IRF2: variants seen among roughly 807,000 people sequenced by gnomAD.
IRF2 encodes interferon regulatory factor 2.
In IRF2, 15 loss-of-function variants were observed where a neutral mutation model predicts 40.6. The observed-to-expected ratio is 0.37, with a 90% CI of 0.25 to 0.57. The LOEUF (loss-of-function observed/expected upper bound fraction) is 0.57. IRF2 is among the 20% of genes least tolerant of loss of function. The pLI, the probability that IRF2 is intolerant of heterozygous loss-of-function variation, is 0.77. For missense variants in IRF2, 317 were observed against 455.7 expected, an observed-to-expected ratio of 0.70 and a Z score of 2.77; for synonymous variants, 151 against 165.5, an observed-to-expected ratio of 0.91 and a Z score of 0.67.
At position 184,448,819 on chromosome 4, in the gene IRF2, A is replaced by T. The variant is rs1738609080; in HGVS notation, c.-6-19749T>A. On this transcript the variant is annotated intron_variant, in intron 1 of 8. Transcript: ENST00000393593. This position sits in a 1 kb window ranked among gnomAD's most constrained non-coding sequence, Gnocchi z 4.3. ...CAGAATAGTTTCATTTTCGATCATG[A>T]CAACAGTTCCCACTCCCACAGCTTT... 6.6e-6 allele frequency: 1 copy of T among 152,220 alleles called. No homozygotes were observed. Among genetic ancestry groups the T allele is most frequent in the African/African-American group, 2.4e-5 (1 of 41,450 alleles). The allele number at this position is 152,220 out of a possible 1,614,324, so 9.4% of individuals were successfully genotyped here.
At chr4:184,442,698 G>A (rs1320454772) in intron 1 of IRF2, among the ~76,000 whole-genome samples, 2 of 151,806 alleles carry the variant, frequency 1.3e-5, no homozygotes, top group Non-Finnish European at 2.9e-5. Context: ...CAAACACTTC[G>A]TTATGGGGCC....
At chr4:184,454,893 T>C (rs1218252619) in intron 1 of IRF2, among the ~76,000 whole-genome samples, 1 of 152,180 alleles carries the variant, frequency 6.6e-6, no homozygotes, top group African/African-American at 2.4e-5. Flanking sequence ...TGAGATTTCC[T>C]TGGTCTCCCC....
At chr4:184,409,028 CT>C (rs1736974637) in intron 5 of IRF2, among the ~76,000 whole-genome samples, 1 of 152,286 alleles carries the variant, frequency 6.6e-6, no homozygotes, top group African/African-American at 2.4e-5. Context: ...CCTCCACTCC[CT>C]TGTACTAAAC....
intron 2 of IRF2, among the ~76,000 whole-genome samples, chr4:184,426,378 G>A (rs565825983): frequency 1.1e-4 from 17 of 152,130 alleles, no homozygotes; most frequent in African/African-American, 3.6e-4. Flanking sequence ...GGAGTCCCTC[G>A]GCTGCGGCTG....
At chr4:184,457,208 C>A (rs1356130291) in intron 1 of IRF2, among the ~76,000 whole-genome samples, 1 of 152,230 alleles carries the variant, frequency 6.6e-6, no homozygotes, top group Non-Finnish European at 1.5e-5. Context: ...TTGACCTTGA[C>A]AGAGGGGAAT....
chr4:184,434,058 C>T (rs568444233), intron 1 of IRF2, among the ~76,000 whole-genome samples: 6 of 152,348 alleles, frequency 3.9e-5, no homozygotes, highest in Non-Finnish European at 1.5e-5. Context: ...AAGATGCTTA[C>T]TCGGTATGTA....
At position 184,407,940 on chromosome 4, in the gene IRF2, G is replaced by T. The variant is rs565214806; in HGVS notation, c.529+218C>A. ...ACATTTTTCCTGGGAGGTCACCCCA[G>T]CCTTCTTCCACGGAGGCTGACCCGT... is the stretch of plus-strand genomic sequence containing the variant. On this transcript the variant is annotated intron_variant, in intron 6 of 8. Coordinates refer to ENST00000393593, the MANE Select transcript of IRF2 (RefSeq NM_002199.4). Among the ~76,000 whole-genome samples the T allele has an allele frequency of 2.0e-5, 3 of 151,842 alleles. No individual in the cohort carries two copies. In the East Asian group the frequency reaches 5.8e-4, roughly 29 times the overall value.
chr4:184,420,918 T>G (rs1348219272), intron 2 of IRF2, among the ~76,000 whole-genome samples: 2 of 152,254 alleles, frequency 1.3e-5, no homozygotes, highest in Non-Finnish European at 2.9e-5. Flanking sequence ...CCATATGCTA[T>G]TACTTAATCA....
chr4:184,427,050 C>T (rs1369641224), intron 2 of IRF2, among the ~76,000 whole-genome samples: 1 of 152,232 alleles, frequency 6.6e-6, no homozygotes, highest in Non-Finnish European at 1.5e-5. Flanking sequence ...CATTCAGTGT[C>T]ATTTGCTACC....
At chr4:184,433,504 C>A (rs1249275396) in intron 1 of IRF2, among the ~76,000 whole-genome samples, 1 of 152,162 alleles carries the variant, frequency 6.6e-6, no homozygotes, top group African/African-American at 2.4e-5. Context: ...TCAGCCAAAC[C>A]GCAAACTTAT....
intron 1 of IRF2, among the ~76,000 whole-genome samples, chr4:184,449,333 T>G (rs1579100638): frequency 6.6e-6 from 1 of 152,278 alleles, no homozygotes; most frequent in South Asian, 2.1e-4. Flanking sequence ...TCTTACTCAT[T>G]TTTCAGATTT....
intron 1 of IRF2, among the ~76,000 whole-genome samples, chr4:184,469,924 T>C (rs1428400847): frequency 6.6e-6 from 1 of 152,206 alleles, no homozygotes; most frequent in East Asian, 1.9e-4. Flanking sequence ...TAAAAAATAC[T>C]GTCTTCATGT....
At chr4:184,399,480 A>C (rs1044322395) in intron 6 of IRF2, among the ~76,000 whole-genome samples, 6 of 152,234 alleles carry the variant, frequency 3.9e-5, no homozygotes, top group Non-Finnish European at 8.8e-5. Flanking sequence ...CTCCAAAAGA[A>C]GGCGCTGTGC....
At chr4:184,463,365 T>C (rs961561949) in intron 1 of IRF2, among the ~76,000 whole-genome samples, 12 of 152,218 alleles carry the variant, frequency 7.9e-5, no homozygotes, top group African/African-American at 2.9e-4. Flanking sequence ...ACCAGCCACA[T>C]GGGTCTACCA....
At position 184,408,630 on chromosome 4, in the gene IRF2, AG is replaced by A. The variant is rs1476938018; in HGVS notation, c.412-356del. On this transcript the variant is annotated intron_variant, in intron 5 of 8. Transcript: ENST00000393593. The surrounding 1 kb of genome is among the most constrained non-coding windows in gnomAD (Gnocchi z 4.9). ...GTGGATTCTACACTCTCCTCCTCTG[AG>A]GGGGTGCTCAAAAGAATCAATGCCT... Among the ~76,000 whole-genome samples, 2 of 152,204 alleles carry A rather than the reference AG, an allele frequency of 1.3e-5. No homozygotes were observed. Among genetic ancestry groups the A allele is most frequent in the South Asian group, 2.1e-4 (1 of 4,834 alleles).
intron 6 of IRF2, among the ~76,000 whole-genome samples, chr4:184,405,909 C>T (rs1199014790): frequency 2.0e-5 from 3 of 152,196 alleles, no homozygotes; most frequent in Non-Finnish European, 4.4e-5. Flanking sequence ...TCGGTTGGCA[C>T]CTGGTGACTG....
rs561450149 is a variant in IRF2 at position 184,420,023 on chromosome 4, A to G, written c.88-455T>C. Among the ~76,000 whole-genome samples the G allele has an allele frequency of 1.1e-4, 16 of 152,228 alleles. No individual in the cohort carries two copies. In the East Asian group the frequency reaches 1.2e-3, roughly 11 times the overall value. On this transcript the variant is annotated intron_variant, in intron 2 of 8. Coordinates refer to ENST00000393593, the MANE Select transcript of IRF2 (RefSeq NM_002199.4). Reference sequence around the variant, plus strand: ...GCTAGGATTACTGGCATGTGCCACCACGCCTGGCCAAGTTTTGTATTTTTG... The same window carrying G: ...GCTAGGATTACTGGCATGTGCCACCGCGCCTGGCCAAGTTTTGTATTTTTG...
intron 2 of IRF2, among the ~76,000 whole-genome samples, chr4:184,427,325 A>G (rs1374811661): frequency 2.0e-4 from 30 of 152,236 alleles, no homozygotes; most frequent in Non-Finnish European, 8.8e-5. Context: ...CTTGTTTCAG[A>G]AAGGCTCAGA....
Position 184,407,649 on chromosome 4 carries a change from A to G in IRF2, c.529+509T>C, listed in dbSNP as rs571752334. On this transcript the variant is annotated intron_variant, in intron 6 of 8. Transcript: ENST00000393593. ...TCTCTGTCCCTCCATGAGAAAAGAA[A>G]TTGGGCCTCCTCCATCTATTTCCTG... is the stretch of plus-strand genomic sequence containing the variant. Among the ~76,000 whole-genome samples, 3 of 152,344 alleles carry G rather than the reference A, an allele frequency of 2.0e-5. No homozygotes were observed. The East Asian group carries it at 5.8e-4, about 29-fold the overall frequency.
Sources: gnomAD v4.1 joint callset for allele counts (sites outside exome capture counted in the v4.1 genomes callset) on GRCh38, gnomAD v4.1.1 for gene constraint, Gnocchi (gnomAD v3.1) non-coding constraint, MANE v1.5 for transcripts, NCBI Gene and HGNC (gene_info 2026-07-23, HGNC 2026-07-21) for gene names.